Variants in MDFIC2 observed in about 807,000 individuals in gnomAD.
MDFIC2 encodes myoD family inhibitor domain-containing protein 2.
intron 2 of MDFIC2, among the ~76,000 whole-genome samples, chr3:70,210,202 G>A (rs1258316601): frequency 1.3e-5 from 2 of 152,104 alleles, no homozygotes; most frequent in African/African-American, 4.8e-5. Context: ...TTTAAGTATA[G>A]CATTTTGAAT....
intron 2 of MDFIC2, among the ~76,000 whole-genome samples, chr3:70,229,922 T>G (rs985549310): frequency 6.6e-6 from 1 of 152,174 alleles, no homozygotes; most frequent in Non-Finnish European, 1.5e-5. Context: ...AAGAATATTT[T>G]GGGGTATATA....
chr3:70,310,778 T>C (rs913868865), intron 2 of MDFIC2, among the ~76,000 whole-genome samples: 3 of 152,296 alleles, frequency 2.0e-5, no homozygotes, highest in East Asian at 1.9e-4. Flanking sequence ...GAAAACATTT[T>C]TGAGCACAGA....
intron 2 of MDFIC2, among the ~76,000 whole-genome samples, chr3:70,282,395 C>T (rs976774873): frequency 6.6e-6 from 1 of 152,188 alleles, no homozygotes; most frequent in Admixed American, 6.5e-5. Context: ...TTTGTAAATC[C>T]GATCATGTTA....
intron 2 of MDFIC2, among the ~76,000 whole-genome samples, chr3:70,216,681 A>G (rs1356401047): frequency 6.6e-6 from 1 of 152,146 alleles, no homozygotes; most frequent in African/African-American, 2.4e-5. Flanking sequence ...CCTAAAGCTT[A>G]TTGAAAAACA....
intron 2 of MDFIC2, among the ~76,000 whole-genome samples, chr3:70,275,489 C>T (rs1185797299): frequency 1.3e-5 from 2 of 152,172 alleles, no homozygotes; most frequent in African/African-American, 4.8e-5. Flanking sequence ...CATTCCAGAG[C>T]CTAGGTGGCA....
chr3:70,261,371 A>C (rs1012802112), intron 2 of MDFIC2, among the ~76,000 whole-genome samples: 3 of 152,200 alleles, frequency 2.0e-5, no homozygotes, highest in African/African-American at 7.2e-5. Context: ...TGATGTGAAC[A>C]TGCATATGTT....
intron 2 of MDFIC2, among the ~76,000 whole-genome samples, chr3:70,224,622 G>A (rs1396582378): frequency 1.3e-5 from 2 of 152,126 alleles, no homozygotes; most frequent in Non-Finnish European, 2.9e-5. Flanking sequence ...AGTGCCAGAG[G>A]CAGTAACGGG....
intron 2 of MDFIC2, among the ~76,000 whole-genome samples, chr3:70,217,987 G>A (rs574511302): frequency 6.6e-6 from 1 of 152,234 alleles, no homozygotes; most frequent in African/African-American, 2.4e-5. Flanking sequence ...ATTTTTGGAA[G>A]GACAAGAAAT....
At chr3:70,298,474 T>C (rs1045611099) in intron 2 of MDFIC2, among the ~76,000 whole-genome samples, 15 of 152,160 alleles carry the variant, frequency 9.9e-5, no homozygotes, top group African/African-American at 3.6e-4. Context: ...CTCCAACTTT[T>C]ATCTCATAAA....
chr3:70,203,977 A>C (rs1559534239), intron 3 of MDFIC2, among the ~76,000 whole-genome samples: 1 of 152,132 alleles, frequency 6.6e-6, no homozygotes, highest in Non-Finnish European at 1.5e-5. Flanking sequence ...TTTAGTAATA[A>C]AGTAATGTTT....
At chr3:70,245,671 TTATA>T (rs34480688) in intron 2 of MDFIC2, among the ~76,000 whole-genome samples, 6,031 of 57,016 alleles carry the variant, frequency 0.11, 168 homozygotes, top group Middle Eastern at 0.16. Flanking sequence ...GCAAACTGCT[TTATA>T]TATATATATA....
chr3:70,278,236 T>C (rs535363680), intron 2 of MDFIC2, among the ~76,000 whole-genome samples: 6 of 152,222 alleles, frequency 3.9e-5, no homozygotes, highest in Non-Finnish European at 7.3e-5. Context: ...GTCTGAAAGA[T>C]TCATTTACAT....
At chr3:70,232,941 C>A (rs1400395385) in intron 2 of MDFIC2, among the ~76,000 whole-genome samples, 2 of 152,236 alleles carry the variant, frequency 1.3e-5, no homozygotes, top group South Asian at 4.1e-4. Context: ...GTAATCCCAG[C>A]ACTTTGGAAG....
intron 2 of MDFIC2, among the ~76,000 whole-genome samples, chr3:70,225,551 A>G (rs967348303): frequency 3.3e-5 from 5 of 152,212 alleles, no homozygotes; most frequent in African/African-American, 1.2e-4. Context: ...GAGTCAGTGT[A>G]TACTGTTTAT....
At chr3:70,210,660 C>T (rs1210878152) in intron 2 of MDFIC2, among the ~76,000 whole-genome samples, 1 of 151,922 alleles carries the variant, frequency 6.6e-6, no homozygotes, top group African/African-American at 2.4e-5. Flanking sequence ...ATAAGGAACT[C>T]GTGAAACTAT....
At chr3:70,292,924 T>C (rs1230763016) in intron 2 of MDFIC2, among the ~76,000 whole-genome samples, 3 of 151,684 alleles carry the variant, frequency 2.0e-5, no homozygotes, top group East Asian at 1.9e-4. Context: ...TTTGAAATTA[T>C]CTAACAAGAA....
At chr3:70,226,669 C>T (rs139293941) in intron 2 of MDFIC2, among the ~76,000 whole-genome samples, 3,297 of 146,344 alleles carry the variant, frequency 0.023, 106 homozygotes, top group African/African-American at 0.077. Flanking sequence ...GCCTGGGAAG[C>T]GGAGGTTGCA....
chr3:70,215,843 G>GGTTTCAGTT (rs1338812278), intron 2 of MDFIC2, among the ~76,000 whole-genome samples: 1 of 152,058 alleles, frequency 6.6e-6, no homozygotes, highest in Non-Finnish European at 1.5e-5. Flanking sequence ...AGTTGACAAT[G>GGTTTCAGTT]GACTCATCCT....
At chr3:70,225,405 G>A in intron 2 of MDFIC2, among the ~76,000 whole-genome samples, 1 of 152,194 alleles carries the variant, frequency 6.6e-6, no homozygotes, top group East Asian at 1.9e-4. Flanking sequence ...AGTTAACAAT[G>A]CTTTATTATT....
Sources: allele counts gnomAD v4.1 joint callset (sites outside exome capture counted in the v4.1 genomes callset), GRCh38; gene constraint gnomAD v4.1.1; transcripts MANE v1.5; gene names NCBI Gene and HGNC (gene_info 2026-07-23, HGNC 2026-07-21).